ATRNL1: variants seen among roughly 807,000 people sequenced by gnomAD.
ATRNL1 encodes attractin like 1.
ATRNL1 carries 95 observed loss-of-function variants against 182.7 expected under a neutral mutation model. That is an observed-to-expected ratio of 0.52 (90% CI 0.44 to 0.62). ATRNL1 has a LOEUF of 0.62. Among genes scored for constraint, ATRNL1 ranks in the 20% least tolerant of loss-of-function variants. ATRNL1 has a pLI of 0.00. For missense variants in ATRNL1, 1,471 were observed against 1,679.5 expected, an observed-to-expected ratio of 0.88 and a Z score of 2.17; for synonymous variants, 576 against 568.3, an observed-to-expected ratio of 1.01 and a Z score of -0.19.
At chr10:115,475,452 T>C (rs1447206652) in intron 24 of ATRNL1, among the ~76,000 whole-genome samples, 1 of 151,510 alleles carries the variant, frequency 6.6e-6, no homozygotes, top group Non-Finnish European at 1.5e-5. Flanking sequence ...CCAGTGTCAA[T>C]GGATTGCTTC....
intron 25 of ATRNL1, among the ~76,000 whole-genome samples, chr10:115,536,717 A>G (rs149189503): frequency 6.6e-6 from 1 of 152,202 alleles, no homozygotes; most frequent in Non-Finnish European, 1.5e-5. Context: ...TCATGCTGGG[A>G]GCTGCAGACC....
chr10:115,778,395 C>A (rs182318074), intron 27 of ATRNL1, among the ~76,000 whole-genome samples: 3 of 152,106 alleles, frequency 2.0e-5, no homozygotes, highest in South Asian at 2.1e-4. Flanking sequence ...AGATAAAATG[C>A]TAAGTGAATT....
chr10:115,209,480 T>G (rs1344556190), intron 8 of ATRNL1, among the ~76,000 whole-genome samples: 4 of 150,582 alleles, frequency 2.7e-5, no homozygotes, highest in Admixed American at 6.7e-5. Context: ...TCTAAATTAC[T>G]CCATCATGGC....
At chr10:115,462,091 A>G (rs1554969811) in intron 22 of ATRNL1, 56 bp downstream of exon 22, 2 of 1,307,992 alleles carry the variant, frequency 1.5e-6, no homozygotes, top group Non-Finnish European at 2.1e-6. Context: ...TTTTTTTTTC[A>G]TATTTCATTT....
intron 21 of ATRNL1, among the ~76,000 whole-genome samples, chr10:115,455,633 A>T (rs1847487058): frequency 6.6e-6 from 1 of 152,196 alleles, no homozygotes. Flanking sequence ...AAATTGACTA[A>T]TGGGATCTAA....
chr10:115,505,468 G>T (rs1172962997), intron 24 of ATRNL1, among the ~76,000 whole-genome samples: 2 of 152,094 alleles, frequency 1.3e-5, no homozygotes, highest in Admixed American at 6.6e-5. Flanking sequence ...AGACAAACTT[G>T]TCTGTATATT....
chr10:115,734,981 TA>T, intron 27 of ATRNL1, among the ~76,000 whole-genome samples: 1 of 152,292 alleles, frequency 6.6e-6, no homozygotes, highest in East Asian at 1.9e-4. Context: ...AAGAACAATT[TA>T]AATCTTGCTT....
At chr10:115,177,545 T>C (rs917345714) in intron 8 of ATRNL1, among the ~76,000 whole-genome samples, 3 of 152,194 alleles carry the variant, frequency 2.0e-5, no homozygotes, top group Non-Finnish European at 4.4e-5. Flanking sequence ...CAGGCTTTAA[T>C]TGACACATAA....
intron 21 of ATRNL1, among the ~76,000 whole-genome samples, chr10:115,429,864 G>C: frequency 6.6e-6 from 1 of 151,970 alleles, no homozygotes; most frequent in South Asian, 2.1e-4. Flanking sequence ...TCAGGAGATC[G>C]AGACCATCCT....
At chr10:115,251,382 G>GC (rs1850870651) in intron 10 of ATRNL1, among the ~76,000 whole-genome samples, 1 of 152,168 alleles carries the variant, frequency 6.6e-6, no homozygotes, top group Admixed American at 6.5e-5. Context: ...CATTTGTTAA[G>GC]CCTGTTTATT....
chr10:115,693,510 T>G (rs911819571), intron 26 of ATRNL1, among the ~76,000 whole-genome samples: 5 of 152,100 alleles, frequency 3.3e-5, no homozygotes, highest in African/African-American at 1.2e-4. Flanking sequence ...AATTCAAGAT[T>G]AAAAACGCTA....
At chr10:115,818,538 G>A (rs1424345047) in intron 27 of ATRNL1, among the ~76,000 whole-genome samples, 1 of 152,042 alleles carries the variant, frequency 6.6e-6, no homozygotes, top group Non-Finnish European at 1.5e-5. Context: ...AATATGATGC[G>A]ACTCTATTGT....
At chr10:115,836,209 T>C (rs1555095399) in intron 27 of ATRNL1, among the ~76,000 whole-genome samples, 1 of 152,184 alleles carries the variant, frequency 6.6e-6, no homozygotes, top group Admixed American at 6.6e-5. Context: ...ATGTGATATG[T>C]AGCTAGTTTC....
intron 26 of ATRNL1, among the ~76,000 whole-genome samples, chr10:115,580,179 T>G (rs753128085): frequency 3.2e-4 from 48 of 152,110 alleles, no homozygotes; most frequent in Non-Finnish European, 6.5e-4. Context: ...TGTTCCTATA[T>G]GTTTACCTTT....
At chr10:115,335,511 CTA>C (rs1855439903) in intron 19 of ATRNL1, among the ~76,000 whole-genome samples, 1 of 152,164 alleles carries the variant, frequency 6.6e-6, no homozygotes, top group South Asian at 2.1e-4. Flanking sequence ...TCCCAAGTGA[CTA>C]ATATGCACTC....
chr10:115,471,672 G>T (rs572326422), intron 24 of ATRNL1, among the ~76,000 whole-genome samples: 1 of 150,990 alleles, frequency 6.6e-6, no homozygotes, highest in East Asian at 1.9e-4. Context: ...CAGGTCCTTT[G>T]CCCATTGTTT....
chr10:115,262,917 T>A (rs1484357007), intron 10 of ATRNL1, among the ~76,000 whole-genome samples: 4 of 151,906 alleles, frequency 2.6e-5, no homozygotes, highest in African/African-American at 9.7e-5. Context: ...CTAATGTGAG[T>A]CAACACAACT....
At chr10:115,363,026 G>A (rs1173680089) in intron 19 of ATRNL1, among the ~76,000 whole-genome samples, 52 of 151,974 alleles carry the variant, frequency 3.4e-4, no homozygotes, top group African/African-American at 1.2e-3. Context: ...AGTCCTTTGG[G>A]TATATACCCA....
chr10:115,462,260 T>C (rs936417197), intron 22 of ATRNL1, among the ~76,000 whole-genome samples: 1 of 152,136 alleles, frequency 6.6e-6, no homozygotes, highest in Non-Finnish European at 1.5e-5. Context: ...TTTGTCACCT[T>C]ATATATCTTG....
Sources: allele counts gnomAD v4.1 joint callset (sites outside exome capture counted in the v4.1 genomes callset), GRCh38; gene constraint gnomAD v4.1.1; transcripts MANE v1.5; gene names NCBI Gene and HGNC (gene_info 2026-07-23, HGNC 2026-07-21).